The following TCF7L2 variants were observed in gnomAD, a reference collection of about 807,000 sequenced individuals.
TCF7L2 encodes the protein transcription factor 7-like 2.
In TCF7L2, 23 loss-of-function variants were observed where a neutral mutation model predicts 77.9. The ratio of observed to expected loss-of-function variants is 0.30; its 90% CI spans 0.21 to 0.42. The LOEUF is 0.42. Among genes scored for constraint, TCF7L2 ranks in the 10% least tolerant of loss-of-function variants. The pLI, the probability that TCF7L2 is intolerant of heterozygous loss-of-function variation, is 1.00. For missense variants in TCF7L2, 654 were observed against 793.1 expected (o/e 0.82, Z 2.11); for synonymous variants, 413 against 340.2 (o/e 1.21, Z -2.36).
rs149680810 is a variant in TCF7L2 at position 112,996,189 on chromosome 10, A to G, written c.450+31565A>G. Among the ~76,000 whole-genome samples, 339 of 152,238 alleles carry G rather than the reference A, an allele frequency of 2.2e-3. 2 individuals carry two copies. Among genetic ancestry groups the G allele is most frequent in the African/African-American group, 7.5e-3 (313 of 41,536 alleles). ...GAGCTCATCAGGCTGTGTTGTCCCC[A>G]GTGAAAGAATAAGCAAAGAAGTGAA... is the stretch of plus-strand genomic sequence containing the variant. On this transcript the variant is annotated intron_variant, in intron 4 of 13. Coordinates refer to ENST00000627217, the MANE Select transcript of TCF7L2 (RefSeq NM_001146274.2).
intron 4 of TCF7L2, chr10:112,987,821 G>A: frequency 5.4e-6 from 1 of 183,548 alleles, no homozygotes; most frequent in Admixed American, 4.9e-5. Context: ...AAAGAGATGA[G>A]ATGAAAACAC....
intron 4 of TCF7L2, among the ~76,000 whole-genome samples, chr10:113,007,239 T>C (rs1181465581): frequency 6.6e-6 from 1 of 152,126 alleles, no homozygotes; most frequent in African/African-American, 2.4e-5. Flanking sequence ...GCGCTTTCGT[T>C]CTGGGGGGTT....
chr10:112,964,812 T>C (rs570629502), intron 4 of TCF7L2, among the ~76,000 whole-genome samples, 188 bp downstream of exon 4: 1 of 38,282 alleles, frequency 2.6e-5, no homozygotes, highest in Admixed American at 3.3e-4. Context: ...GTGGTGGTGG[T>C]GGGGGGGGGT....
At chr10:113,122,675 T>G (rs1421125826) in intron 5 of TCF7L2, among the ~76,000 whole-genome samples, 1 of 152,208 alleles carries the variant, frequency 6.6e-6, no homozygotes, top group Non-Finnish European at 1.5e-5. Context: ...GCTACTTCTA[T>G]TTAGCAGTAG....
At chr10:113,126,963 T>C (rs1647531681) in intron 5 of TCF7L2, 1 of 974,552 alleles carries the variant, frequency 1.0e-6, no homozygotes, top group Admixed American at 6.2e-5. Context: ...CCCTGCTGCG[T>C]CCACGGCTGT....
intron 5 of TCF7L2, among the ~76,000 whole-genome samples, chr10:113,059,355 T>A (rs1398873051): frequency 1.3e-5 from 2 of 149,946 alleles, no homozygotes; most frequent in Non-Finnish European, 3.0e-5. Flanking sequence ...CCCCCCACCC[T>A]TTTTGGCAAA....
chr10:112,993,301 CT>C (rs529091188), intron 4 of TCF7L2, among the ~76,000 whole-genome samples: 115 of 151,304 alleles, frequency 7.6e-4, no homozygotes, highest in African/African-American at 2.7e-3. Context: ...AGGCGGATCA[CT>C]TGAGGTCAGC....
chr10:113,112,741 T>A (rs2063288725), intron 5 of TCF7L2, among the ~76,000 whole-genome samples: 1 of 152,226 alleles, frequency 6.6e-6, no homozygotes, highest in Non-Finnish European at 1.5e-5. Flanking sequence ...CGTACTGTCC[T>A]GTACTGTCAC....
intron 5 of TCF7L2, among the ~76,000 whole-genome samples, chr10:113,137,824 G>T (rs2067648897): frequency 6.6e-6 from 1 of 152,200 alleles, no homozygotes; most frequent in Non-Finnish European, 1.5e-5. Flanking sequence ...CACTTGGGAG[G>T]ACATAAAGTT....
chr10:113,050,971 T>C (rs2054318172), intron 5 of TCF7L2, among the ~76,000 whole-genome samples: 1 of 152,122 alleles, frequency 6.6e-6, no homozygotes, highest in African/African-American at 2.4e-5. Flanking sequence ...TGGAGTAAGG[T>C]TCTGAAGCTG....
intron 5 of TCF7L2, among the ~76,000 whole-genome samples, chr10:113,111,492 T>G (rs191611687): frequency 1.9e-3 from 288 of 152,292 alleles, no homozygotes; most frequent in African/African-American, 6.7e-3. Context: ...TCATTTTCAT[T>G]TGCTGAAATT....
intron 4 of TCF7L2, among the ~76,000 whole-genome samples, chr10:113,020,968 A>G (rs1252921905): frequency 6.6e-6 from 1 of 152,204 alleles, no homozygotes; most frequent in African/African-American, 2.4e-5. Flanking sequence ...GTTGAGTGCC[A>G]GCTGGGATTT....
At chr10:113,110,378 T>TG in intron 5 of TCF7L2, among the ~76,000 whole-genome samples, 1 of 151,680 alleles carries the variant, frequency 6.6e-6, no homozygotes, top group Non-Finnish European at 1.5e-5. Context: ...GGTTTTTTTT[T>TG]TTTTTTTTTT....
Position 113,089,452 on chromosome 10 carries a change from C to A in TCF7L2, c.552+49326C>A, listed in dbSNP as rs200626286. On this transcript the variant is annotated intron_variant, in intron 5 of 13. Transcript: ENST00000627217. ...CATGACTGTCAGCACTTCTACCCCC[C>A]CTCAGACTTCACTGTCAGCACTCAA... 1.2e-4 allele frequency: 196 copies of A among 1,613,760 alleles called. 1 individual carries two copies. The highest frequency in any genetic ancestry group is 3.3e-4 in the Middle Eastern group (2 of 6,084).
At chr10:112,956,293 A>G (rs1231377870) in intron 3 of TCF7L2, among the ~76,000 whole-genome samples, 1 of 148,118 alleles carries the variant, frequency 6.8e-6, no homozygotes, top group East Asian at 2.1e-4. Flanking sequence ...CAGGAAGTAG[A>G]TGACATTATA....
At chr10:112,967,608 C>G (rs1159913422) in intron 4 of TCF7L2, among the ~76,000 whole-genome samples, 5 of 151,188 alleles carry the variant, frequency 3.3e-5, no homozygotes, top group East Asian at 3.9e-4. Context: ...ATGGATAACA[C>G]AAATGAAACT....
At chr10:113,106,714 A>G (rs1016626397) in intron 5 of TCF7L2, among the ~76,000 whole-genome samples, 5 of 152,252 alleles carry the variant, frequency 3.3e-5, no homozygotes, top group African/African-American at 7.2e-5. Flanking sequence ...TTAGCGATAC[A>G]TAGACAATCA....
intron 5 of TCF7L2, among the ~76,000 whole-genome samples, chr10:113,096,213 G>A (rs574593565): frequency 2.0e-5 from 3 of 152,290 alleles, no homozygotes; most frequent in Non-Finnish European, 2.9e-5. Context: ...ATCAGTCAGC[G>A]TCTCTGTTGA....
intron 11 of TCF7L2, among the ~76,000 whole-genome samples, chr10:113,153,687 A>G (rs138463125): frequency 2.6e-4 from 40 of 152,320 alleles, no homozygotes; most frequent in African/African-American, 8.9e-4. Flanking sequence ...ATGTGACCCA[A>G]CCTAACTGCA....
Sources: allele counts gnomAD v4.1 joint callset (sites outside exome capture counted in the v4.1 genomes callset), GRCh38; gene constraint gnomAD v4.1.1; transcripts MANE v1.5; gene names NCBI Gene and HGNC (gene_info 2026-07-23, HGNC 2026-07-21).